PHYHD1: variants seen among roughly 807,000 people sequenced by gnomAD.
The protein encoded by PHYHD1 is phytanoyl-CoA dioxygenase domain-containing protein 1.
A neutral mutation model predicts 43.6 loss-of-function variants in PHYHD1; 42 were observed. The ratio of observed to expected loss-of-function variants is 0.96; its 90% confidence interval spans 0.75 to 1.25. The LOEUF is 1.25. Ranked by LOEUF, PHYHD1 falls within the 50% of genes most tolerant of loss-of-function variation. The pLI is 0.00. For missense variants in PHYHD1, 342 were observed against 370.8 expected (o/e 0.92, Z 0.64); for synonymous variants, 139 against 143.6 (o/e 0.97, Z 0.23).
rs1443972471 is a variant in PHYHD1, at chr9:128,936,503, G to A, written c.372G>A (p.Gln124=). ...GCATCACACACTCCTTCAAGGTGCAGGTGAGCAGAGGTGGGGGTGAGGGCC... is the reference window on the plus strand; with the variant it reads ...GCATCACACACTCCTTCAAGGTGCAAGTGAGCAGAGGTGGGGGTGAGGGCC... The part of the protein sequence containing the change: ...FKSITHSFKV[Q]TLARSLGLQM... Residue 124 remains glutamine, a splice_region_variant and synonymous_variant, in exon 7 of 13, where the codon CAG becomes CAA. Coordinates refer to ENST00000372592, the MANE Select transcript of PHYHD1 (RefSeq NM_001100876.2). The A allele has an allele frequency of 1.2e-6, 2 of 1,613,808 alleles. No individual in the cohort carries two copies. Among genetic ancestry groups the A allele is most frequent in the Admixed American group, 1.7e-5 (1 of 59,956 alleles).
At chr9:128,936,243 A>C (rs1841419669) in intron 6 of PHYHD1, among the ~76,000 whole-genome samples, 1 of 151,982 alleles carries the variant, frequency 6.6e-6, no homozygotes. Flanking sequence ...CCAGAAGGTC[A>C]AGAATAAGGG....
At chr9:128,932,166 A>ATTATTTTTTTTT (rs1564540372) in intron 4 of PHYHD1, among the ~76,000 whole-genome samples, 8 of 122,744 alleles carry the variant, frequency 6.5e-5, no homozygotes, top group African/African-American at 2.4e-4. Flanking sequence ...TATTATTATT[A>ATTATTTTTTTTT]TTGTTATTAT....
chr9:128,940,748 G>A (rs758397617), intron 11 of PHYHD1, 33 bp downstream of exon 11: 37 of 1,603,564 alleles, frequency 2.3e-5, no homozygotes, highest in Non-Finnish European at 3.1e-5. Context: ...GAGGCAGGGG[G>A]CTGAGTCCAT....
chr9:128,931,520 GTTTTTC>G (rs1370895242), intron 4 of PHYHD1, among the ~76,000 whole-genome samples: 1 of 151,602 alleles, frequency 6.6e-6, no homozygotes, highest in East Asian at 2.0e-4. Flanking sequence ...TCAGTTTTTT[GTTTTTC>G]TTTTTCTTTT....
In PHYHD1 at chr9:128,941,753, A is replaced by G; in HGVS notation, c.*40A>G. 1 of 1,613,898 alleles carries G rather than the reference A, an allele frequency of 6.2e-7. No individual in the cohort carries two copies. The highest frequency in any genetic ancestry group is 8.5e-7 in the Non-Finnish European group (1 of 1,179,880). Reference sequence around the variant, plus strand: ...CAGGAGCCCTCGCCCCTCCCGGGTGAAGCTGTGGGCTGTAAACACCAGTGC... The same window carrying G: ...CAGGAGCCCTCGCCCCTCCCGGGTGGAGCTGTGGGCTGTAAACACCAGTGC... On this transcript the variant is annotated 3_prime_UTR_variant, in exon 13 of 13. Transcript: ENST00000372592.
chr9:128,927,209 G>A lies in PHYHD1; in HGVS notation c.192+13G>A. Reference sequence around the variant, plus strand: ...GCTTCGAGCCCAGGTAGGTGTCTGGGGCACATGAGGATGGGATGTGGCTTT... The same window carrying A: ...GCTTCGAGCCCAGGTAGGTGTCTGGAGCACATGAGGATGGGATGTGGCTTT... On this transcript the variant is annotated intron_variant, in intron 4 of 12. Transcript: ENST00000372592. The A allele has an allele frequency of 1.2e-6, 2 of 1,613,388 alleles. No individual in the cohort carries two copies. Among genetic ancestry groups the A allele is most frequent in the Non-Finnish European group, 1.7e-6 (2 of 1,179,952 alleles).
At chr9:128,924,150 C>T (rs1282718966) in intron 3 of PHYHD1, among the ~76,000 whole-genome samples, 3 of 152,038 alleles carry the variant, frequency 2.0e-5, no homozygotes, top group East Asian at 1.9e-4. Context: ...GGCGCAGTGG[C>T]TCATGCCTGT....
Position 128,935,521 on chromosome 9 carries a change from T to C in PHYHD1, c.317-927T>C, listed in dbSNP as rs532838452. On this transcript the variant is annotated intron_variant, in intron 6 of 12. Coordinates refer to ENST00000372592, the MANE Select transcript of PHYHD1 (RefSeq NM_001100876.2). ...CGCCTGTAGTCCCAGCTACTGCCAC[T>C]GCACTCCAGCCTGGGCAACAGAGCG... Among the ~76,000 whole-genome samples the C allele has an allele frequency of 5.1e-3, 729 of 141,622 alleles. 5 individuals are homozygous for C. The highest frequency in any genetic ancestry group is 8.8e-3 in the Non-Finnish European group (583 of 66,526). 92.9% of individuals were successfully genotyped at this position (141,622 alleles called of 152,430 possible). A position where few individuals can be genotyped will look rare whatever the true frequency, so the allele number is the denominator to read the frequency against.
chr9:128,937,738 CT>C lies in PHYHD1; in HGVS notation c.436-15del. ...TCTGCTCTCTTCTGTCCTCACCAGG[CT>C]TTTCCTCTCTCTTGCAGCAACCTCA... On this transcript the variant is annotated intron_variant, in intron 8 of 12. Coordinates refer to ENST00000372592, the MANE Select transcript of PHYHD1 (RefSeq NM_001100876.2). 6.2e-7 allele frequency: 1 copy of C among 1,613,856 alleles called. No individual in the cohort carries two copies. The highest frequency in any genetic ancestry group is 2.2e-5 in the East Asian group (1 of 44,884).
chr9:128,931,786 C>G (rs1841284049), intron 4 of PHYHD1, among the ~76,000 whole-genome samples: 1 of 152,088 alleles, frequency 6.6e-6, no homozygotes, highest in African/African-American at 2.4e-5. Flanking sequence ...CTCAGCCTCC[C>G]AAAGTGCTGG....
rs1841010510 is a variant in PHYHD1 at position 128,922,044 on chromosome 9, C to G, written c.-45C>G. 1 of 490,844 alleles carries G rather than the reference C, an allele frequency of 2.0e-6. No individual in the cohort carries two copies. Among genetic ancestry groups the G allele is most frequent in the Non-Finnish European group, 3.6e-6 (1 of 276,090 alleles). 30.4% of individuals were successfully genotyped at this position (490,844 alleles called of 1,614,324 possible). On this transcript the variant is annotated 5_prime_UTR_variant, in exon 2 of 13. Coordinates refer to ENST00000372592, the MANE Select transcript of PHYHD1 (RefSeq NM_001100876.2). ...CCTCTCACAGCATAATTTCCCGGCA[C>G]CTGGTAAGCAGTGGTGGGGGGTGGT...
intron 3 of PHYHD1, 113 bp downstream of exon 3, chr9:128,922,469 T>C: frequency 2.2e-6 from 3 of 1,353,208 alleles, no homozygotes; most frequent in Non-Finnish European, 3.0e-6. Flanking sequence ...AGGACGAAAC[T>C]GAAGCCCAGA....
chr9:128,922,377 G>T (rs1446506469), intron 3 of PHYHD1, 21 bp downstream of exon 3: 1 of 1,547,976 alleles, frequency 6.5e-7, no homozygotes, highest in East Asian at 2.4e-5. Context: ...GCAAGTCGGG[G>T]CCGGGAGGGT....
In PHYHD1 at chr9:128,933,858, G is replaced by A; in HGVS notation, c.268+1G>A. The A allele has an allele frequency of 6.2e-7, 1 of 1,613,768 alleles. No homozygotes were observed. Among genetic ancestry groups the A allele is most frequent in the Non-Finnish European group, 8.5e-7 (1 of 1,179,654 alleles). On this transcript the variant is annotated splice_donor_variant, in intron 5 of 12. Coordinates refer to ENST00000372592, the MANE Select transcript of PHYHD1 (RefSeq NM_001100876.2). LOFTEE classifies it high-confidence loss of function. ...GAGAAAGGCGTTTTTGATGAGAAAG[G>A]TTTGGAGCTGGGGCCCTAGAGCTGG... is the stretch of plus-strand genomic sequence containing the variant.
chr9:128,933,748 G>T lies in PHYHD1; in HGVS notation c.193-34G>T, dbSNP rs1022061146. ...CCAGGCCCAGCTCTGACCCCAGGAT[G>T]CTGTCTCAGTCCTCTGATGTCCCCT... On this transcript the variant is annotated intron_variant, in intron 4 of 12. Transcript: ENST00000372592. 3.7e-6 allele frequency: 6 copies of T among 1,601,100 alleles called. No homozygotes were observed. In the African/African-American group the frequency reaches 8.0e-5, roughly 21 times the overall value.
chr9:128,930,939 ACT>A (rs1200461960), intron 4 of PHYHD1, among the ~76,000 whole-genome samples: 8 of 141,138 alleles, frequency 5.7e-5, no homozygotes, highest in Non-Finnish European at 1.5e-5. Context: ...ACAGAGCGAG[ACT>A]CTGTCTCAAA....
chr9:128,924,192 G>A (rs550736465), intron 3 of PHYHD1, among the ~76,000 whole-genome samples: 5 of 152,120 alleles, frequency 3.3e-5, no homozygotes, highest in South Asian at 2.1e-4. Context: ...CGAAGTGGGC[G>A]GATCACAAGG....
At chr9:128,927,906 A>C (rs574613701) in intron 4 of PHYHD1, among the ~76,000 whole-genome samples, 11 of 152,280 alleles carry the variant, frequency 7.2e-5, no homozygotes, top group Middle Eastern at 3.4e-3. Flanking sequence ...ACTATCCCCC[A>C]TGAGACTAGG....
chr9:128,930,635 A>G (rs570927360), intron 4 of PHYHD1, among the ~76,000 whole-genome samples: 3 of 151,762 alleles, frequency 2.0e-5, no homozygotes, highest in Non-Finnish European at 4.4e-5. Flanking sequence ...GTCTCAAAAA[A>G]AAAAAGAAAA....
Sources: gnomAD v4.1 joint callset for allele counts (sites outside exome capture counted in the v4.1 genomes callset) on GRCh38, gnomAD v4.1.1 for gene constraint, MANE v1.5 for transcripts, NCBI Gene and HGNC (gene_info 2026-07-23, HGNC 2026-07-21) for gene names.